MAPRE3: variants seen among roughly 807,000 people sequenced by gnomAD.
MAPRE3 encodes the protein microtubule-associated protein RP/EB family member 3.
A neutral mutation model predicts 30.5 loss-of-function variants in MAPRE3; 2 were observed. The ratio of observed to expected loss-of-function variants is 0.07; its 90% CI spans 0.03 to 0.21. The LOEUF (loss-of-function observed/expected upper bound fraction) is 0.21. Ranked by LOEUF, MAPRE3 falls within the 10% of genes least tolerant of loss-of-function variation. MAPRE3 has a pLI of 1.00. For synonymous variants in MAPRE3, 110 were observed against 127.7 expected, an observed-to-expected ratio of 0.86 and a Z score of 0.93; for missense variants, 204 against 351.8, an observed-to-expected ratio of 0.58 and a Z score of 3.36.
intron 1 of MAPRE3, among the ~76,000 whole-genome samples, chr2:26,999,136 A>G (rs902904423): frequency 5.9e-5 from 9 of 152,168 alleles, no homozygotes; most frequent in African/African-American, 2.2e-4. Context: ...CATCAGAGAA[A>G]GGGTTTGGGG....
chr2:27,011,354 T>G (rs1193005903), intron 1 of MAPRE3, among the ~76,000 whole-genome samples: 1 of 152,206 alleles, frequency 6.6e-6, no homozygotes, highest in East Asian at 1.9e-4. Flanking sequence ...CCAAAGGTGC[T>G]TTCACTATTT....
intron 1 of MAPRE3, among the ~76,000 whole-genome samples, chr2:26,977,788 C>G (rs1666042615): frequency 6.6e-6 from 1 of 152,184 alleles, no homozygotes; most frequent in African/African-American, 2.4e-5. Flanking sequence ...CTCATCTTTC[C>G]CATCCACACA....
At chr2:26,987,311 A>C (rs1666243549) in intron 1 of MAPRE3, among the ~76,000 whole-genome samples, 1 of 152,214 alleles carries the variant, frequency 6.6e-6, no homozygotes, top group Non-Finnish European at 1.5e-5. Context: ...TCTCAGCATT[A>C]AAATTATCCA....
intron 1 of MAPRE3, among the ~76,000 whole-genome samples, chr2:26,975,487 A>G (rs1665997189): frequency 6.6e-6 from 1 of 152,216 alleles, no homozygotes; most frequent in African/African-American, 2.4e-5. Context: ...TTCAGGTGCA[A>G]GAGCAAAAGT....
intron 1 of MAPRE3, among the ~76,000 whole-genome samples, chr2:26,991,918 G>A (rs1245140644): frequency 6.6e-6 from 1 of 152,074 alleles, no homozygotes; most frequent in African/African-American, 2.4e-5. Context: ...GCTAGACTTT[G>A]CACCTTGACC....
chr2:26,976,665 A>C lies in MAPRE3; in HGVS notation c.-8+5863A>C, dbSNP rs534147732. Among the ~76,000 whole-genome samples the C allele has an allele frequency of 5.3e-5, 8 of 152,348 alleles. No individual in the cohort carries two copies. In the East Asian group the frequency reaches 1.5e-3, roughly 29 times the overall value. On this transcript the variant is annotated intron_variant, in intron 1 of 6. Coordinates refer to ENST00000233121, the MANE Select transcript of MAPRE3 (RefSeq NM_012326.4). The stretch of plus-strand genomic sequence containing the variant: ...CTGGATGCTTCATTTGCCTCAAGTA[A>C]ATAAGGACTTGTCCTATCTAAAATG...
rs376603252 is a variant in MAPRE3, at chr2:27,006,098, C to T, written c.-7-16114C>T. Among the ~76,000 whole-genome samples the T allele has an allele frequency of 2.2e-4, 33 of 152,218 alleles. No homozygotes were observed. The South Asian group carries it at 3.1e-3, about 14-fold the overall frequency. On this transcript the variant is annotated intron_variant, in intron 1 of 6. Coordinates refer to ENST00000233121, the MANE Select transcript of MAPRE3 (RefSeq NM_012326.4). ...TCGGGAGGCTGAGGCAGGAGAATGG[C>T]GTGAACCCGGGAGGCGTAGCTGGCA...
At chr2:26,979,107 A>C (rs1046638460) in intron 1 of MAPRE3, among the ~76,000 whole-genome samples, 41 of 152,220 alleles carry the variant, frequency 2.7e-4, no homozygotes. Flanking sequence ...AACCAGAAAG[A>C]CTTCAGAGAT....
chr2:26,982,513 C>T (rs1163014250), intron 1 of MAPRE3, among the ~76,000 whole-genome samples: 1 of 152,196 alleles, frequency 6.6e-6, no homozygotes, highest in Non-Finnish European at 1.5e-5. Context: ...CCAGTCCCTA[C>T]CAGGAAGGAA....
At chr2:27,026,200 C>G (rs1667237946) in intron 6 of MAPRE3, 80 bp from the exon 7 acceptor site, 1 of 1,439,806 alleles carries the variant, frequency 6.9e-7, no homozygotes, top group African/African-American at 1.4e-5. Flanking sequence ...TGACCCCTTG[C>G]TCTTCAGCTA....
chr2:26,974,651 G>T (rs1665982139), intron 1 of MAPRE3, among the ~76,000 whole-genome samples: 1 of 152,176 alleles, frequency 6.6e-6, no homozygotes, highest in South Asian at 2.1e-4. Flanking sequence ...CTGACCTCTG[G>T]AAGCAGGCAG....
At chr2:26,996,246 G>A (rs1445132534) in intron 1 of MAPRE3, among the ~76,000 whole-genome samples, 6 of 151,452 alleles carry the variant, frequency 4.0e-5, no homozygotes, top group Non-Finnish European at 7.4e-5. Flanking sequence ...TGGATCTCCC[G>A]GGCTCCAGCT....
Position 26,985,105 on chromosome 2 carries a change from G to GA in MAPRE3, c.-8+14304dup, listed in dbSNP as rs1419178619. On this transcript the variant is annotated intron_variant, in intron 1 of 6. Coordinates refer to ENST00000233121, the MANE Select transcript of MAPRE3 (RefSeq NM_012326.4). This position sits in a 1 kb window ranked among gnomAD's most constrained non-coding sequence, Gnocchi z 4.2. ...GCAGCATTTGGGAAGGAGTAGAAGG[G>GA]ACATCCCTAGGTCCTGAATTCTTCC... The GA allele has an allele frequency of 2.0e-5, 3 of 152,200 alleles. No individual in the cohort carries two copies. The highest frequency in any genetic ancestry group is 4.4e-5 in the Non-Finnish European group (3 of 68,040). The allele number at this position is 152,200 out of a possible 1,614,324, so 9.4% of individuals were successfully genotyped here. A position where few individuals can be genotyped will look rare whatever the true frequency, so the allele number is the denominator to read the frequency against.
Position 27,024,333 on chromosome 2 carries a change from G to A in MAPRE3, c.469+36G>A, listed in dbSNP as rs1295242784. Reference sequence around the variant, plus strand: ...CGAGCCGGGGGAGGGAGCGTGGGGGGCCGGGCCGGCAGGCCTCTATAGCCA... The same window carrying A: ...CGAGCCGGGGGAGGGAGCGTGGGGGACCGGGCCGGCAGGCCTCTATAGCCA... On this transcript the variant is annotated intron_variant, in intron 4 of 6. Coordinates refer to ENST00000233121, the MANE Select transcript of MAPRE3 (RefSeq NM_012326.4). The A allele has an allele frequency of 3.8e-6, 6 of 1,592,274 alleles. No individual in the cohort carries two copies. The South Asian group carries it at 5.6e-5, about 15-fold the overall frequency.
chr2:27,025,903 G>A lies in MAPRE3; in HGVS notation c.648G>A (p.Val216=), dbSNP rs761788796. 1 of 1,614,232 alleles carries A rather than the reference G, an allele frequency of 6.2e-7. No individual in the cohort carries two copies. Among genetic ancestry groups the A allele is most frequent in the South Asian group, 1.1e-5 (1 of 91,082 alleles). ...AGCTGGTGGACTTGAAGCTGACAGT[G>A]GATGGGCTGGAGAAGGAACGTGACT... The part of the protein sequence containing the change: ...NQQLVDLKLT[V]DGLEKERDFY... The change falls in exon 6 of 7, where the codon GTG becomes GTA. Residue 216 remains valine, a synonymous_variant. Coordinates refer to ENST00000233121, the MANE Select transcript of MAPRE3 (RefSeq NM_012326.4).
chr2:26,979,315 A>G (rs540858645), intron 1 of MAPRE3, among the ~76,000 whole-genome samples: 8 of 152,336 alleles, frequency 5.3e-5, no homozygotes, highest in Non-Finnish European at 1.0e-4. Context: ...TCTAGGTGCA[A>G]TGGCTCACGC....
intron 1 of MAPRE3, among the ~76,000 whole-genome samples, chr2:26,990,833 G>A (rs1666321689): frequency 6.6e-6 from 1 of 152,138 alleles, no homozygotes; most frequent in African/African-American, 2.4e-5. Context: ...TCATGTTATG[G>A]TTGCATGTGT....
At chr2:27,022,142 CCT>C (rs995239615) in intron 1 of MAPRE3, 68 bp from the exon 2 acceptor site, 77 of 1,559,380 alleles carry the variant, frequency 4.9e-5, no homozygotes, top group Admixed American at 3.5e-4. Context: ...TCATACAGCC[CCT>C]CTCTCTTGAC....
At chr2:27,013,484 A>C (rs1666909078) in intron 1 of MAPRE3, 1 of 152,202 alleles carries the variant, frequency 6.6e-6, no homozygotes, top group Admixed American at 6.5e-5. Flanking sequence ...GTCAACAAAC[A>C]AGAAATAAAA....
Sources: allele counts gnomAD v4.1 joint callset (sites outside exome capture counted in the v4.1 genomes callset), GRCh38; gene constraint gnomAD v4.1.1; non-coding constraint Gnocchi (gnomAD v3.1); transcripts MANE v1.5; gene names NCBI Gene and HGNC (gene_info 2026-07-23, HGNC 2026-07-21).